The following CYP2J2 variants were observed in gnomAD, a reference collection of about 807,000 sequenced individuals.
CYP2J2 encodes the protein cytochrome P450 2J2.
Under a neutral mutation model 48.8 loss-of-function variants are expected in CYP2J2, and 41 were observed. The ratio of observed to expected loss-of-function variants is 0.84; its 90% CI spans 0.66 to 1.09. CYP2J2 has a LOEUF of 1.09. Among genes scored for constraint, CYP2J2 ranks in the 50% least tolerant of loss-of-function variants. The pLI, the probability that CYP2J2 is intolerant of heterozygous loss-of-function variation, is 0.00. For missense variants in CYP2J2, 644 were observed against 617.3 expected, an observed-to-expected ratio of 1.04 and a Z score of -0.46; for synonymous variants, 221 against 227.1, an observed-to-expected ratio of 0.97 and a Z score of 0.24.
At chr1:59,963,346 C>T in the CYP2J2 span, among the ~76,000 whole-genome samples, 1 of 152,170 alleles carries the variant, frequency 6.6e-6, no homozygotes, top group East Asian at 1.9e-4. Context: ...TAAGCCATAA[C>T]TCCTTCATCT....
Position 59,909,831 on chromosome 1 carries a change from C to A in CYP2J2, c.814G>T (p.Ala272Ser). ...GCATCAATAAAGTCTCTTGTTTCTG[C>A]AGGATTCCAATCCTTTCTGTGTTTG... ...IDKHRKDWNP[A>S]ETRDFIDAYL... The change falls in exon 5 of 9, where the codon GCA becomes TCA. Residue 272 changes from alanine to serine, a missense_variant. Physicochemically the swap from Ala to Ser is moderately conservative, Grantham distance 99 (BLOSUM62 1). Coordinates refer to ENST00000371204, the MANE Select transcript of CYP2J2 (RefSeq NM_000775.4). 1 of 1,602,528 alleles carries A rather than the reference C, an allele frequency of 6.2e-7. No homozygotes were observed.
intron 8 of CYP2J2, among the ~76,000 whole-genome samples, chr1:59,898,966 C>A (rs968389875): frequency 2.6e-5 from 4 of 152,096 alleles, no homozygotes; most frequent in Non-Finnish European, 5.9e-5. Flanking sequence ...TTTTTTAAAA[C>A]AGGAGACATG....
the CYP2J2 span, among the ~76,000 whole-genome samples, chr1:59,966,087 A>G: frequency 6.6e-6 from 1 of 152,184 alleles, no homozygotes; most frequent in South Asian, 2.1e-4. Context: ...TGTAATGTTT[A>G]AGATCTGATG....
chr1:59,911,499 G>T (rs1013282941), intron 4 of CYP2J2, 109 bp downstream of exon 4: 7 of 724,800 alleles, frequency 9.7e-6, no homozygotes, highest in Middle Eastern at 4.0e-4. Flanking sequence ...GTTTTGAAAG[G>T]TTATATTTTA....
At chr1:59,964,746 T>C in the CYP2J2 span, among the ~76,000 whole-genome samples, 1 of 152,272 alleles carries the variant, frequency 6.6e-6, no homozygotes. Context: ...TACAGTTTCA[T>C]TACAACCTTT....
chr1:59,939,757 T>C, the CYP2J2 span, among the ~76,000 whole-genome samples: 1 of 152,204 alleles, frequency 6.6e-6, no homozygotes. Context: ...TGACGTTCTA[T>C]TGCACTGCAC....
chr1:59,943,345 C>A, the CYP2J2 span, among the ~76,000 whole-genome samples: 2 of 152,178 alleles, frequency 1.3e-5, no homozygotes, highest in African/African-American at 2.4e-5. Flanking sequence ...AGAGAGGAAA[C>A]CTTTCATAAC....
chr1:59,966,046 G>A, the CYP2J2 span, among the ~76,000 whole-genome samples: 1 of 152,166 alleles, frequency 6.6e-6, no homozygotes, highest in African/African-American at 2.4e-5. Flanking sequence ...TGTCCTTAGT[G>A]TGTGGCAGGG....
chr1:59,945,837 T>TC, the CYP2J2 span, among the ~76,000 whole-genome samples: 125 of 152,318 alleles, frequency 8.2e-4, no homozygotes, highest in African/African-American at 2.7e-3. Flanking sequence ...TCCTATTTTT[T>TC]CTCATTCTTA....
At chr1:59,935,595 A>C in the CYP2J2 span, among the ~76,000 whole-genome samples, 1 of 152,214 alleles carries the variant, frequency 6.6e-6, no homozygotes, top group East Asian at 1.9e-4. Context: ...AAAGAAAAGA[A>C]AAGAGAAATA....
chr1:59,910,823 G>A (rs1412053323), intron 4 of CYP2J2, among the ~76,000 whole-genome samples: 6 of 152,050 alleles, frequency 3.9e-5, no homozygotes, highest in African/African-American at 1.2e-4. Flanking sequence ...CCAAGAAACC[G>A]AGCAGAGTTT....
At chr1:59,967,244 G>A in the CYP2J2 span, among the ~76,000 whole-genome samples, 1 of 152,112 alleles carries the variant, frequency 6.6e-6, no homozygotes, top group Non-Finnish European at 1.5e-5. Flanking sequence ...ATCACAAGGG[G>A]TTTATGCAAA....
the CYP2J2 span, among the ~76,000 whole-genome samples, chr1:59,932,423 T>C: frequency 6.6e-6 from 1 of 152,290 alleles, no homozygotes; most frequent in African/African-American, 2.4e-5. Context: ...TATATTCATC[T>C]AATAATGTTC....
chr1:59,904,159 TCAAGA>T (rs1317427490), intron 7 of CYP2J2, among the ~76,000 whole-genome samples: 1 of 152,002 alleles, frequency 6.6e-6, no homozygotes, highest in Non-Finnish European at 1.5e-5. Flanking sequence ...GATCACGAGG[TCAAGA>T]GATCCAGACC....
At chr1:59,924,757 A>G (rs1292740060) in intron 1 of CYP2J2, among the ~76,000 whole-genome samples, 1 of 152,076 alleles carries the variant, frequency 6.6e-6, no homozygotes, top group Non-Finnish European at 1.5e-5. Context: ...CAGAGGCATA[A>G]AAAACAGGAA....
chr1:59,923,292 T>A (rs775309296), intron 1 of CYP2J2, among the ~76,000 whole-genome samples: 1 of 152,236 alleles, frequency 6.6e-6, no homozygotes, highest in Non-Finnish European at 1.5e-5. Flanking sequence ...GCATTGATAT[T>A]TGAACTGCCA....
the CYP2J2 span, among the ~76,000 whole-genome samples, chr1:59,935,025 T>A: frequency 1.2e-5 from 1 of 85,846 alleles, no homozygotes; most frequent in Non-Finnish European, 2.5e-5. Context: ...CATATATATA[T>A]ATATATATAT....
chr1:59,926,825 T>C (rs1574265067), upstream of CYP2J2: 2 of 1,352,620 alleles, frequency 1.5e-6, no homozygotes, highest in Non-Finnish European at 1.0e-6. Context: ...CCCGCCTCGC[T>C]CCCAGCCGTG....
chr1:59,949,745 G>T, the CYP2J2 span, among the ~76,000 whole-genome samples: 1 of 150,570 alleles, frequency 6.6e-6, no homozygotes. Flanking sequence ...TTTATTGAGT[G>T]GAAGTAGCTC....
Sources: allele counts gnomAD v4.1 joint callset (sites outside exome capture counted in the v4.1 genomes callset), GRCh38; gene constraint gnomAD v4.1.1; transcripts MANE v1.5; gene names NCBI Gene and HGNC (gene_info 2026-07-23, HGNC 2026-07-21).